CACNA2D1: variants seen among roughly 807,000 people sequenced by gnomAD.
The protein encoded by CACNA2D1 is voltage-dependent calcium channel subunit alpha-2/delta-1.
In CACNA2D1, 53 loss-of-function variants were observed where a neutral mutation model predicts 171.5. That is an observed-to-expected ratio of 0.31 (90% CI 0.25 to 0.39). The LOEUF (loss-of-function observed/expected upper bound fraction) is 0.39, where lower values mean the gene tolerates loss of function less well. Among genes scored for constraint, CACNA2D1 ranks in the 10% least tolerant of loss-of-function variants. The pLI is 1.00. For missense variants in CACNA2D1, 903 were observed against 1,299.8 expected, an observed-to-expected ratio of 0.69 and a Z score of 4.69; for synonymous variants, 442 against 443.1, an observed-to-expected ratio of 1.00 and a Z score of 0.03.
chr7:82,104,640 A>G (rs1813095505), intron 6 of CACNA2D1, among the ~76,000 whole-genome samples: 1 of 152,010 alleles, frequency 6.6e-6, no homozygotes, highest in South Asian at 2.1e-4. Flanking sequence ...TTCACACTAT[A>G]TTACTTCTTC....
intron 12 of CACNA2D1, among the ~76,000 whole-genome samples, chr7:82,016,515 C>T (rs1453667716): frequency 6.6e-6 from 1 of 151,482 alleles, no homozygotes; most frequent in East Asian, 1.9e-4. Flanking sequence ...GAAAGGCAAG[C>T]ACTTCTAATA....
chr7:82,350,644 G>A (rs1819753223), intron 1 of CACNA2D1, among the ~76,000 whole-genome samples: 1 of 152,084 alleles, frequency 6.6e-6, no homozygotes, highest in African/African-American at 2.4e-5. Flanking sequence ...CAGCTCGGGC[G>A]ACAGAGTGAG....
intron 3 of CACNA2D1, among the ~76,000 whole-genome samples, chr7:82,218,679 G>A (rs1801438651): frequency 6.6e-6 from 1 of 152,094 alleles, no homozygotes; most frequent in Non-Finnish European, 1.5e-5. Context: ...TGTAGCAGCT[G>A]AGGAATAGCC....
At chr7:82,170,897 C>T (rs955197152) in intron 3 of CACNA2D1, among the ~76,000 whole-genome samples, 2 of 152,016 alleles carry the variant, frequency 1.3e-5, no homozygotes, top group Admixed American at 6.6e-5. Flanking sequence ...CTTTCAATGA[C>T]TAATACTTCA....
chr7:82,426,377 C>A (rs1270209993), intron 1 of CACNA2D1, among the ~76,000 whole-genome samples: 1 of 151,996 alleles, frequency 6.6e-6, no homozygotes, highest in African/African-American at 2.4e-5. Flanking sequence ...AACGGCCGCA[C>A]ATAAAAGACT....
chr7:82,302,440 C>T (rs1259551335), intron 3 of CACNA2D1, among the ~76,000 whole-genome samples: 2 of 138,572 alleles, frequency 1.4e-5, no homozygotes, highest in African/African-American at 2.7e-5. Context: ...GACGGAGTTT[C>T]GCTCTTGATG....
chr7:82,201,606 A>C (rs954384233), intron 3 of CACNA2D1, among the ~76,000 whole-genome samples: 1 of 152,210 alleles, frequency 6.6e-6, no homozygotes, highest in African/African-American at 2.4e-5. Context: ...TGTTAGCTGC[A>C]AACAGTTTAC....
rs1478087184 is a variant in CACNA2D1 at position 82,186,289 on chromosome 7, A to AGG, written c.295-15681_295-15680insCC. The stretch of plus-strand genomic sequence containing the variant: ...AAGGAAGGAAGGAAGGAAGGAAGGA[A>AGG]AGAAAGGTGGGCCAGATTTGAGGAA... On this transcript the variant is annotated intron_variant, in intron 3 of 38. Transcript: ENST00000356860. Among the ~76,000 whole-genome samples, 880 of 130,494 alleles carry AGG rather than the reference A, an allele frequency of 6.7e-3. 4 individuals carry two copies. Among genetic ancestry groups the AGG allele is most frequent in the South Asian group, 0.013 (48 of 3,838 alleles). The allele number at this position is 130,494 out of a possible 152,430, so 85.6% of individuals were successfully genotyped here.
intron 1 of CACNA2D1, among the ~76,000 whole-genome samples, chr7:82,380,762 T>C (rs1053333325): frequency 1.3e-5 from 2 of 152,064 alleles, no homozygotes; most frequent in Non-Finnish European, 2.9e-5. Flanking sequence ...TGGCATGATC[T>C]CGGCTCACTG....
chr7:82,003,814 G>A (rs969161499), intron 18 of CACNA2D1, among the ~76,000 whole-genome samples: 1 of 149,322 alleles, frequency 6.7e-6, no homozygotes. Flanking sequence ...GCGTGGTCTC[G>A]GCTCACTGCA....
At chr7:82,141,184 T>G (rs916821954) in intron 4 of CACNA2D1, among the ~76,000 whole-genome samples, 6 of 152,112 alleles carry the variant, frequency 3.9e-5, no homozygotes, top group African/African-American at 1.4e-4. Flanking sequence ...AGTCTTTCAC[T>G]AGGAGTTATT....
chr7:82,310,772 T>A (rs75872745), intron 3 of CACNA2D1, among the ~76,000 whole-genome samples: 2 of 152,150 alleles, frequency 1.3e-5, no homozygotes, highest in Non-Finnish European at 2.9e-5. Flanking sequence ...GTTTTTGAAA[T>A]CTTTTAATTA....
At chr7:81,976,333 C>A (rs1795838527) in intron 24 of CACNA2D1, among the ~76,000 whole-genome samples, 1 of 152,034 alleles carries the variant, frequency 6.6e-6, no homozygotes, top group Non-Finnish European at 1.5e-5. Flanking sequence ...TTACTTTGGG[C>A]AGTATGGCCA....
chr7:82,344,274 C>T (rs1411566679), intron 2 of CACNA2D1, among the ~76,000 whole-genome samples: 1 of 152,138 alleles, frequency 6.6e-6, no homozygotes, highest in Non-Finnish European at 1.5e-5. Flanking sequence ...CCATACCATC[C>T]CATGCCCTGA....
chr7:81,959,894 A>T (rs1247679185), intron 36 of CACNA2D1, 65 bp from the exon 37 acceptor site: 1 of 1,557,050 alleles, frequency 6.4e-7, no homozygotes, highest in Non-Finnish European at 8.7e-7. Flanking sequence ...AAATCTTTCA[A>T]AGATTCTTAC....
chr7:82,161,394 G>A (rs977845598), intron 4 of CACNA2D1, among the ~76,000 whole-genome samples: 4 of 152,000 alleles, frequency 2.6e-5, no homozygotes, highest in Non-Finnish European at 4.4e-5. Context: ...AAAGAATAGT[G>A]GAGTGGATTC....
chr7:82,369,684 A>G (rs765662774), intron 1 of CACNA2D1, among the ~76,000 whole-genome samples: 7 of 152,064 alleles, frequency 4.6e-5, no homozygotes, highest in Admixed American at 6.6e-5. Flanking sequence ...CAAAAATAGT[A>G]TATCATGACC....
chr7:82,159,998 A>G (rs181764045), intron 4 of CACNA2D1, among the ~76,000 whole-genome samples: 1 of 151,154 alleles, frequency 6.6e-6, no homozygotes, highest in Non-Finnish European at 1.5e-5. Flanking sequence ...AAGACACCAA[A>G]CAATCAAAAA....
intron 1 of CACNA2D1, among the ~76,000 whole-genome samples, chr7:82,359,681 G>C (rs1428286021): frequency 1.3e-5 from 2 of 151,944 alleles, no homozygotes; most frequent in African/African-American, 4.8e-5. Context: ...TCTTTTCTCT[G>C]AGTATCTAAA....
Sources: gnomAD v4.1 joint callset for allele counts (sites outside exome capture counted in the v4.1 genomes callset) on GRCh38, gnomAD v4.1.1 for gene constraint, MANE v1.5 for transcripts, NCBI Gene and HGNC (gene_info 2026-07-23, HGNC 2026-07-21) for gene names.